RRBP1: variants seen among roughly 807,000 people sequenced by gnomAD.
RRBP1 encodes the protein ribosome binding protein 1.
In RRBP1, 94 loss-of-function variants were observed where a neutral mutation model predicts 165.2. The ratio of observed to expected loss-of-function variants is 0.57; its 90% CI spans 0.48 to 0.68. RRBP1 has a LOEUF of 0.68. Ranked by LOEUF, RRBP1 falls within the 30% of genes least tolerant of loss-of-function variation. The pLI, the probability that RRBP1 is intolerant of heterozygous loss-of-function variation, is 0.00. For synonymous variants in RRBP1, 680 were observed against 714.5 expected (o/e 0.95, Z 0.77); for missense variants, 1,676 against 1,763.0 (o/e 0.95, Z 0.88).
At chr20:17,628,676 C>T (rs942726393) in intron 9 of RRBP1, among the ~76,000 whole-genome samples, 1 of 152,258 alleles carries the variant, frequency 6.6e-6, no homozygotes, top group African/African-American at 2.4e-5. Context: ...GCCCATTTCT[C>T]ACATAGGCCA....
chr20:17,663,803 A>T (rs903868634), intron 2 of RRBP1, among the ~76,000 whole-genome samples: 6 of 152,100 alleles, frequency 3.9e-5, no homozygotes, highest in Middle Eastern at 3.4e-3. Context: ...CCCAACAGAA[A>T]CCTCTTCTAG....
chr20:17,620,438 A>C (rs2035889551), intron 17 of RRBP1, 68 bp from the exon 18 acceptor site: 1 of 1,434,076 alleles, frequency 7.0e-7, no homozygotes, highest in African/African-American at 1.4e-5. Context: ...AGGCCATGCT[A>C]GGACCCGAGC....
At chr20:17,629,507 C>T (rs2036104004) in intron 9 of RRBP1, among the ~76,000 whole-genome samples, 1 of 152,144 alleles carries the variant, frequency 6.6e-6, no homozygotes, top group South Asian at 2.1e-4. Context: ...CAGTGCCTTC[C>T]ACCCCCATAT....
intron 9 of RRBP1, among the ~76,000 whole-genome samples, 167 bp downstream of exon 9, chr20:17,629,656 G>C (rs903773041): frequency 4.6e-5 from 7 of 152,012 alleles, no homozygotes; most frequent in Non-Finnish European, 5.9e-5. Context: ...CCCCTGACTG[G>C]GCATAATCCC....
intron 2 of RRBP1, among the ~76,000 whole-genome samples, chr20:17,667,824 G>A (rs934989115): frequency 6.6e-6 from 1 of 152,142 alleles, no homozygotes; most frequent in African/African-American, 2.4e-5. Context: ...CTTTCAGCAA[G>A]GATCTCTTCT....
In RRBP1 at chr20:17,615,898, G is replaced by C. The variant is rs1424194006; in HGVS notation, c.3951+28C>G. The C allele has an allele frequency of 5.6e-6, 9 of 1,594,230 alleles. No homozygotes were observed. In the East Asian group the frequency reaches 2.0e-4, roughly 36 times the overall value. On this transcript the variant is annotated intron_variant, in intron 22 of 24. Transcript: ENST00000377813. ...GACTCAGGGCCCAGGGGCTGATGGG[G>C]GCTGAGAGCCACCAGGCAGGGCCTG...
chr20:17,631,288 G>A (rs897714782), intron 8 of RRBP1, among the ~76,000 whole-genome samples: 2 of 152,232 alleles, frequency 1.3e-5, no homozygotes, highest in Non-Finnish European at 2.9e-5. Flanking sequence ...TTACACGACT[G>A]GAAGAAAACA....
intron 3 of RRBP1, among the ~76,000 whole-genome samples, chr20:17,651,321 C>A (rs1161915975): frequency 2.6e-5 from 4 of 152,178 alleles, no homozygotes; most frequent in African/African-American, 7.2e-5. Context: ...TTCTGGAAAG[C>A]AATGCAGCAC....
rs532940806 is a variant in RRBP1 at position 17,670,830 on chromosome 20, T to C, written c.-22+9169A>G. On this transcript the variant is annotated intron_variant, in intron 2 of 24. Coordinates refer to ENST00000377813, the MANE Select transcript of RRBP1 (RefSeq NM_001365613.2). ...CACTAAATGTCTATATGTGGATTTA[T>C]TTTTATTTACCCGGCTTGGGTTTTG... 1.3e-4 allele frequency among the ~76,000 whole-genome samples: 20 copies of C among 152,354 alleles called. No individual in the cohort carries two copies. The East Asian group carries it at 2.7e-3, about 21-fold the overall frequency.
chr20:17,614,625 A>G (rs2035756255), intron 24 of RRBP1, 112 bp downstream of exon 24: 1 of 1,371,652 alleles, frequency 7.3e-7, no homozygotes, highest in Non-Finnish European at 9.9e-7. Flanking sequence ...CTCCCAGCCC[A>G]GCGCTCCCAG....
intron 2 of RRBP1, among the ~76,000 whole-genome samples, chr20:17,662,090 G>C (rs2122460669): frequency 6.6e-6 from 1 of 152,182 alleles, no homozygotes; most frequent in East Asian, 1.9e-4. Flanking sequence ...GTGAAACCCT[G>C]ACTCTACTAA....
rs191731651 is a variant in RRBP1 at position 17,675,182 on chromosome 20, C to G, written c.-22+4817G>C. ...GGCAGGATGTCCACATTTAACAGTG[C>G]CCTCTGCATGTGACTGTCAATTTCT... On this transcript the variant is annotated intron_variant, in intron 2 of 24. Coordinates refer to ENST00000377813, the MANE Select transcript of RRBP1 (RefSeq NM_001365613.2). 8.3e-4 allele frequency among the ~76,000 whole-genome samples: 126 copies of G among 152,368 alleles called. 2 individuals carry two copies. Among genetic ancestry groups the G allele is most frequent in the Admixed American group, 4.0e-3 (61 of 15,308 alleles).
chr20:17,636,999 C>T (rs771479247), intron 5 of RRBP1, among the ~76,000 whole-genome samples: 1 of 152,210 alleles, frequency 6.6e-6, no homozygotes, highest in African/African-American at 2.4e-5. Flanking sequence ...GCAGGAACAG[C>T]AGAGACACAC....
At position 17,624,633 on chromosome 20, in the gene RRBP1, T is replaced by G. The variant is rs1323654767; in HGVS notation, c.3090A>C (p.Ala1030=). ...TGCAGGCCTGCTCGGCCGTGGCCAG[T>G]GCCTCCATGGCCTTCCAGTTCTTCT... is the stretch of plus-strand genomic sequence containing the variant. ...LREKNWKAME[A]LATAEQACKE... is the part of the protein sequence containing the mutation. Residue 1030 remains alanine (A), a synonymous_variant, in exon 13 of 25, where the codon GCA becomes GCC. Transcript: ENST00000377813. 1.9e-6 allele frequency: 3 copies of G among 1,590,524 alleles called. No individual in the cohort carries two copies. Among genetic ancestry groups the G allele is most frequent in the Non-Finnish European group, 1.7e-6 (2 of 1,169,194 alleles).
intron 3 of RRBP1, among the ~76,000 whole-genome samples, chr20:17,651,631 C>G (rs1450803535): frequency 1.3e-5 from 2 of 152,174 alleles, no homozygotes; most frequent in African/African-American, 4.8e-5. Flanking sequence ...ATGTGAAGAG[C>G]ACAATGAATT....
chr20:17,616,079 C>T (rs1283619208), intron 21 of RRBP1, 70 bp from the exon 22 acceptor site: 8 of 1,342,366 alleles, frequency 6.0e-6, no homozygotes, highest in African/African-American at 1.4e-5. Context: ...GGATCCAGCA[C>T]AGGCACCGCT....
chr20:17,638,755 C>T (rs1449887106), intron 5 of RRBP1, among the ~76,000 whole-genome samples: 1 of 152,058 alleles, frequency 6.6e-6, no homozygotes, highest in Admixed American at 6.5e-5. Flanking sequence ...CAAGGCTTGG[C>T]ACCATCACTA....
chr20:17,617,827 C>T (rs2035830677), intron 20 of RRBP1, among the ~76,000 whole-genome samples: 1 of 152,254 alleles, frequency 6.6e-6, no homozygotes, highest in African/African-American at 2.4e-5. Flanking sequence ...CAATTTCTCC[C>T]TGTTGACAAC....
chr20:17,627,626 G>GCTC lies in RRBP1; in HGVS notation c.2803_2805dup (p.Glu935dup). ...TGGAGCTGCCCGTGGAGGCCACTCA[G>GCTC]CTCCTCGCATTTGCTGCGCACCTCC... On this transcript the variant is annotated inframe_insertion, in exon 10 of 25. Transcript: ENST00000377813. The GCTC allele has an allele frequency of 6.2e-7, 1 of 1,613,188 alleles. No homozygotes were observed. The highest frequency in any genetic ancestry group is 1.1e-5 in the South Asian group (1 of 91,000).
Sources: allele counts gnomAD v4.1 joint callset (sites outside exome capture counted in the v4.1 genomes callset), GRCh38; gene constraint gnomAD v4.1.1; transcripts MANE v1.5; gene names NCBI Gene and HGNC (gene_info 2026-07-23, HGNC 2026-07-21).